DNAJC15: variants seen among roughly 807,000 people sequenced by gnomAD.
DNAJC15 encodes the protein dnaJ homolog subfamily C member 15.
Under a neutral mutation model 22.4 loss-of-function variants are expected in DNAJC15, and 27 were observed. The observed-to-expected ratio is 1.20, with a 90% confidence interval of 0.89 to 1.66. The LOEUF (loss-of-function observed/expected upper bound fraction) is 1.66. Ranked by LOEUF, DNAJC15 falls within the 40% of genes most tolerant of loss-of-function variation. DNAJC15 has a pLI of 0.00. For missense variants in DNAJC15, 208 were observed against 187.1 expected, an observed-to-expected ratio of 1.11 and a Z score of -0.65; for synonymous variants, 79 against 63.2, an observed-to-expected ratio of 1.25 and a Z score of -1.19.
rs117114993 is a variant in DNAJC15, at chr13:43,032,091, G to C, written c.108+8357G>C. ...ATTGGAACCACGGATGTCTGTTCAG[G>C]GGGAGCTGGAGCCACTGCTGCTGCT... On this transcript the variant is annotated intron_variant, in intron 1 of 5. Transcript: ENST00000379221. Among the ~76,000 whole-genome samples the C allele has an allele frequency of 5.0e-4, 76 of 152,312 alleles. No homozygotes were observed. In the East Asian group the frequency reaches 0.013, roughly 27 times the overall value.
chr13:43,053,590 T>C (rs1363910922), intron 1 of DNAJC15, among the ~76,000 whole-genome samples: 1 of 152,220 alleles, frequency 6.6e-6, no homozygotes, highest in African/African-American at 2.4e-5. Flanking sequence ...CAGTCTTTTG[T>C]ATGATAGTTT....
At chr13:43,098,828 C>T (rs2040753659) in intron 5 of DNAJC15, among the ~76,000 whole-genome samples, 1 of 152,112 alleles carries the variant, frequency 6.6e-6, no homozygotes, top group African/African-American at 2.4e-5. Flanking sequence ...AAATGTGAGT[C>T]CTCCTACTTT....
At chr13:43,034,305 CTTTTTTTTTT>C (rs753362468) in intron 1 of DNAJC15, among the ~76,000 whole-genome samples, 9 of 60,606 alleles carry the variant, frequency 1.5e-4, no homozygotes, top group African/African-American at 3.0e-4. Flanking sequence ...GAGATTTGTC[CTTTTTTTTTT>C]TTTTTTTTTT....
At chr13:43,076,828 C>T (rs1222610909) in intron 3 of DNAJC15, among the ~76,000 whole-genome samples, 9 of 152,178 alleles carry the variant, frequency 5.9e-5, no homozygotes, top group Non-Finnish European at 1.2e-4. Context: ...TTTTTGATGT[C>T]CTCTTTGCTA....
intron 1 of DNAJC15, among the ~76,000 whole-genome samples, chr13:43,034,537 G>T (rs924601214): frequency 6.6e-6 from 1 of 151,672 alleles, no homozygotes; most frequent in Non-Finnish European, 1.5e-5. Flanking sequence ...GGATGGTCTT[G>T]TTCTCCTGAC....
chr13:43,088,145 C>T lies in DNAJC15; in HGVS notation c.382+2307C>T, dbSNP rs145252238. Among the ~76,000 whole-genome samples, 4 of 152,278 alleles carry T rather than the reference C, an allele frequency of 2.6e-5. No homozygotes were observed. In the East Asian group the frequency reaches 5.8e-4, roughly 22 times the overall value. On this transcript the variant is annotated intron_variant, in intron 5 of 5. Coordinates refer to ENST00000379221, the MANE Select transcript of DNAJC15 (RefSeq NM_013238.3). ...TTAATCAATGTGTATTTTGCCTATTCTTACCAGTCCAGTTTGTGCAAGTTA... is the reference window on the plus strand; with the variant it reads ...TTAATCAATGTGTATTTTGCCTATTTTTACCAGTCCAGTTTGTGCAAGTTA...
chr13:43,101,943 T>C (rs1381244759), intron 5 of DNAJC15, among the ~76,000 whole-genome samples: 2 of 152,234 alleles, frequency 1.3e-5, no homozygotes, highest in Non-Finnish European at 2.9e-5. Context: ...TGTGGAAAGA[T>C]ACCTAGTAGT....
rs757755265 is a variant in DNAJC15 at position 43,078,691 on chromosome 13, A to G, written c.311+3A>G. Reference sequence around the variant, plus strand: ...GCTGGTCTTATTTTAGGTGTAAGGTAGGTGTGCAGCATAAGTATTGTTTTG... The same window carrying G: ...GCTGGTCTTATTTTAGGTGTAAGGTGGGTGTGCAGCATAAGTATTGTTTTG... On this transcript the variant is annotated splice_donor_region_variant and intron_variant, in intron 4 of 5. Coordinates refer to ENST00000379221, the MANE Select transcript of DNAJC15 (RefSeq NM_013238.3). The G allele has an allele frequency of 4.3e-6, 7 of 1,612,658 alleles. No individual in the cohort carries two copies. The highest frequency in any genetic ancestry group is 5.9e-6 in the Non-Finnish European group (7 of 1,178,992).
At chr13:43,037,937 T>C (rs2153439687) in intron 1 of DNAJC15, among the ~76,000 whole-genome samples, 1 of 152,338 alleles carries the variant, frequency 6.6e-6, no homozygotes, top group East Asian at 1.9e-4. Context: ...TTCTTTTTTA[T>C]AGCCTGCTTT....
intron 1 of DNAJC15, among the ~76,000 whole-genome samples, chr13:43,059,728 C>T (rs1029877513): frequency 3.3e-5 from 5 of 152,182 alleles, no homozygotes; most frequent in African/African-American, 1.2e-4. Flanking sequence ...AGCAACATGG[C>T]TGTTTATTTC....
At position 43,068,854 on chromosome 13, in the gene DNAJC15, G is replaced by C. The variant is rs1043901372; in HGVS notation, c.161-76G>C. 14 of 1,215,086 alleles carry C rather than the reference G, an allele frequency of 1.2e-5. No homozygotes were observed. The African/African-American group carries it at 2.0e-4, about 17-fold the overall frequency. The allele number at this position is 1,215,086 out of a possible 1,614,324, so 75.3% of individuals were successfully genotyped here. A position where few individuals can be genotyped will look rare whatever the true frequency, so the allele number is the denominator to read the frequency against. On this transcript the variant is annotated intron_variant, in intron 2 of 5. Coordinates refer to ENST00000379221, the MANE Select transcript of DNAJC15 (RefSeq NM_013238.3). ...CATATATAAACTATCAATAAATACT[G>C]TTGCAAGCACTTTGAAGGTGTTGAT...
rs143246928 is a variant in DNAJC15, at chr13:43,024,654, T to C, written c.108+920T>C. On this transcript the variant is annotated intron_variant, in intron 1 of 5. Transcript: ENST00000379221. ...CCACCGCGTCCGGCATATTTTTAAGTTTTTTGTAGCCATATTAAACAACTG... is the reference window on the plus strand; with the variant it reads ...CCACCGCGTCCGGCATATTTTTAAGCTTTTTGTAGCCATATTAAACAACTG... 4.7e-4 allele frequency among the ~76,000 whole-genome samples: 71 copies of C among 151,982 alleles called. No individual in the cohort carries two copies. The East Asian group carries it at 0.014, about 29-fold the overall frequency.
chr13:43,064,244 A>G (rs1482563497), intron 1 of DNAJC15, among the ~76,000 whole-genome samples: 1 of 152,244 alleles, frequency 6.6e-6, no homozygotes, highest in Non-Finnish European at 1.5e-5. Flanking sequence ...TATTAAAGTT[A>G]GAACACCTTC....
chr13:43,043,045 AC>A (rs1377674823), intron 1 of DNAJC15, among the ~76,000 whole-genome samples: 1 of 152,202 alleles, frequency 6.6e-6, no homozygotes, highest in Non-Finnish European at 1.5e-5. Flanking sequence ...ATGGTTGATG[AC>A]AGGAGCAAGA....
At chr13:43,065,425 G>A (rs1488895237) in intron 1 of DNAJC15, among the ~76,000 whole-genome samples, 1 of 152,138 alleles carries the variant, frequency 6.6e-6, no homozygotes, top group Non-Finnish European at 1.5e-5. Context: ...GCAATAGGTA[G>A]TATAAAAGCT....
chr13:43,053,816 G>GGA (rs1472250958), intron 1 of DNAJC15, among the ~76,000 whole-genome samples: 1 of 152,170 alleles, frequency 6.6e-6, no homozygotes, highest in African/African-American at 2.4e-5. Flanking sequence ...GATGTTTGAA[G>GGA]GAGTCTTCAG....
chr13:43,094,266 C>G (rs189237904), intron 5 of DNAJC15, among the ~76,000 whole-genome samples: 144 of 152,256 alleles, frequency 9.5e-4, no homozygotes, highest in Non-Finnish European at 1.8e-3. Context: ...ACAAATCATC[C>G]AAATGTTGAT....
At chr13:43,026,935 G>A (rs1198378690) in intron 1 of DNAJC15, among the ~76,000 whole-genome samples, 1 of 152,160 alleles carries the variant, frequency 6.6e-6, no homozygotes, top group East Asian at 1.9e-4. Context: ...TTTTTCTTAG[G>A]TAAGCTTCTC....
intron 1 of DNAJC15, among the ~76,000 whole-genome samples, chr13:43,064,414 C>T (rs1429135301): frequency 6.6e-6 from 1 of 152,166 alleles, no homozygotes; most frequent in African/African-American, 2.4e-5. Flanking sequence ...TCTCAGCCTC[C>T]ATCTTACTAT....
Sources: allele counts gnomAD v4.1 joint callset (sites outside exome capture counted in the v4.1 genomes callset), GRCh38; gene constraint gnomAD v4.1.1; transcripts MANE v1.5; gene names NCBI Gene and HGNC (gene_info 2026-07-23, HGNC 2026-07-21).